Variants in NRDC observed in about 807,000 individuals in gnomAD.
NRDC encodes nardilysin.
A neutral mutation model predicts 147.1 loss-of-function variants in NRDC; 54 were observed. The observed-to-expected ratio is 0.37, with a 90% CI of 0.29 to 0.46. The LOEUF (loss-of-function observed/expected upper bound fraction) is 0.46, where lower values mean the gene tolerates loss of function less well. Ranked by LOEUF, NRDC falls within the 20% of genes least tolerant of loss-of-function variation. The pLI is 1.00. For missense variants in NRDC, 1,082 were observed against 1,370.6 expected (o/e 0.79, Z 3.33); for synonymous variants, 440 against 482.1 (o/e 0.91, Z 1.14).
rs1347653745 is a variant in NRDC, at chr1:51,800,637, G to A, written c.2360C>T (p.Thr787Ile). Residue 787 changes from threonine (T) to isoleucine (I), a missense_variant, in exon 21 of 31, where the codon ACA (threonine) becomes ATA (isoleucine). Thr to Ile is a moderately conservative substitution (Grantham distance 89, BLOSUM62 -1). This residue lies in a region of NRDC where 635 missense variants were observed against 923.8 expected (regional missense o/e 0.69). Coordinates refer to ENST00000352171, the MANE Select transcript of NRDC (RefSeq NM_001101662.2). ...IIDYLAEFNS[T>I]PAVFTMITEQ... ...AGTTATCATTGTAAAGACAGCTGGT[G>A]TGGAATTGAACTCAGCTAAGTAGTC... The A allele has an allele frequency of 1.2e-6, 2 of 1,613,494 alleles. No individual in the cohort carries two copies. Among genetic ancestry groups the A allele is most frequent in the African/African-American group, 1.3e-5 (1 of 74,920 alleles).
intron 1 of NRDC, among the ~76,000 whole-genome samples, chr1:51,876,372 G>C (rs1683327535): frequency 6.6e-6 from 1 of 152,044 alleles, no homozygotes; most frequent in Non-Finnish European, 1.5e-5. Flanking sequence ...GGTATCTTGG[G>C]GATGGGATGC....
intron 9 of NRDC, among the ~76,000 whole-genome samples, chr1:51,819,075 G>T (rs1310591334): frequency 6.6e-6 from 1 of 152,216 alleles, no homozygotes; most frequent in African/African-American, 2.4e-5. Flanking sequence ...GCGAAGGCAG[G>T]CGGATCACTT....
At chr1:51,872,728 A>G (rs1308813432) in intron 1 of NRDC, among the ~76,000 whole-genome samples, 1 of 152,156 alleles carries the variant, frequency 6.6e-6, no homozygotes, top group Non-Finnish European at 1.5e-5. Context: ...AAAATAAGGA[A>G]ATCAGTCTAA....
intron 11 of NRDC, among the ~76,000 whole-genome samples, chr1:51,815,072 C>G (rs1679896383): frequency 6.6e-6 from 1 of 151,904 alleles, no homozygotes; most frequent in African/African-American, 2.4e-5. Flanking sequence ...AGATATGGCA[C>G]CATAATAAAA....
At chr1:51,860,565 C>T (rs1017989942) in intron 1 of NRDC, among the ~76,000 whole-genome samples, 2 of 152,142 alleles carry the variant, frequency 1.3e-5, no homozygotes, top group East Asian at 1.9e-4. Flanking sequence ...CCTTGGTCAC[C>T]GGGAGAGTTT....
At chr1:51,800,265 G>A (rs1276273687) in intron 21 of NRDC, among the ~76,000 whole-genome samples, 1 of 152,152 alleles carries the variant, frequency 6.6e-6, no homozygotes, top group Non-Finnish European at 1.5e-5. Flanking sequence ...AAGCTACCAT[G>A]CCCGGCCTAA....
intron 1 of NRDC, among the ~76,000 whole-genome samples, chr1:51,876,957 G>A (rs182035293): frequency 6.6e-6 from 1 of 151,946 alleles, no homozygotes; most frequent in Non-Finnish European, 1.5e-5. Context: ...TGGGAGAAGA[G>A]GCGGGCGGAT....
In NRDC at chr1:51,816,389, C is replaced by T. The variant is rs935896848; in HGVS notation, c.1362G>A (p.Arg454=). Residue 454 remains arginine (R), a splice_region_variant and synonymous_variant, in exon 11 of 31, where the codon AGG becomes AGA. Transcript: ENST00000352171. The stretch of plus-strand genomic sequence containing the variant: ...AGGATATATAATGAAGTGGCTTCAC[C>T]CTTTTAAAAAAATTTAATGGTCAGA... ...WALPPQQQHY[R]VKPLHYISWL... The T allele has an allele frequency of 1.3e-6, 2 of 1,564,032 alleles. No homozygotes were observed. Among genetic ancestry groups the T allele is most frequent in the East Asian group, 2.3e-5 (1 of 43,290 alleles).
chr1:51,796,344 T>G (rs1473264148), intron 22 of NRDC, among the ~76,000 whole-genome samples: 1 of 151,680 alleles, frequency 6.6e-6, no homozygotes, highest in Non-Finnish European at 1.5e-5. Context: ...GCTCAAGTGA[T>G]TCTTCTGCCT....
At chr1:51,824,449 T>C (rs1264260422) in intron 6 of NRDC, among the ~76,000 whole-genome samples, 2 of 152,052 alleles carry the variant, frequency 1.3e-5, no homozygotes, top group African/African-American at 2.4e-5. Flanking sequence ...ATAAAACACA[T>C]GAAGCAAGAA....
chr1:51,809,376 C>T lies in NRDC; in HGVS notation c.1929G>A (p.Leu643=), dbSNP rs1679609536. The T allele has an allele frequency of 3.7e-6, 6 of 1,613,344 alleles. No individual in the cohort carries two copies. The highest frequency in any genetic ancestry group is 5.1e-6 in the Non-Finnish European group (6 of 1,179,450). ...IEDIENSWAE[L]WNSNFELNPD... Reference sequence around the variant, plus strand: ...GATTTAATTCGAAATTACTATTCCACAGTTCAGCCCAAGAGTTTTCAATAT... The same window carrying T: ...GATTTAATTCGAAATTACTATTCCATAGTTCAGCCCAAGAGTTTTCAATAT... Residue 643 remains leucine, a synonymous_variant, in exon 17 of 31, where the codon CTG becomes CTA. Coordinates refer to ENST00000352171, the MANE Select transcript of NRDC (RefSeq NM_001101662.2).
At chr1:51,829,666 T>G (rs1284398517) in intron 4 of NRDC, among the ~76,000 whole-genome samples, 1 of 152,186 alleles carries the variant, frequency 6.6e-6, no homozygotes, top group African/African-American at 2.4e-5. Context: ...GTAAAATACA[T>G]GGGATGTTTT....
intron 14 of NRDC, among the ~76,000 whole-genome samples, chr1:51,813,703 C>T (rs911174074): frequency 1.3e-5 from 2 of 152,190 alleles, no homozygotes; most frequent in African/African-American, 4.8e-5. Context: ...AGAATGTCTT[C>T]ACAATATTTG....
chr1:51,834,951 C>G (rs534533841), intron 3 of NRDC, among the ~76,000 whole-genome samples: 55 of 151,610 alleles, frequency 3.6e-4, no homozygotes, highest in African/African-American at 1.3e-3. Context: ...AGAAGTATAC[C>G]CTCAAATACT....
intron 2 of NRDC, among the ~76,000 whole-genome samples, chr1:51,837,842 A>G (rs1418249080): frequency 2.0e-5 from 3 of 152,264 alleles, no homozygotes; most frequent in African/African-American, 7.2e-5. Flanking sequence ...TCAGAAAAGT[A>G]GTTAACTTCT....
At chr1:51,791,758 C>A in intron 26 of NRDC, 97 bp from the exon 27 acceptor site, 2 of 982,498 alleles carry the variant, frequency 2.0e-6, no homozygotes, top group South Asian at 1.4e-5. Context: ...TCTGCCCATC[C>A]TTATTGGAAC....
intron 1 of NRDC, among the ~76,000 whole-genome samples, chr1:51,858,679 G>A (rs924758552): frequency 6.6e-6 from 1 of 152,146 alleles, no homozygotes; most frequent in Non-Finnish European, 1.5e-5. Context: ...CAAGCACAGA[G>A]TACTGTTTTC....
intron 8 of NRDC, among the ~76,000 whole-genome samples, 174 bp from the exon 9 acceptor site, chr1:51,820,047 A>G (rs1392016870): frequency 6.6e-6 from 1 of 152,210 alleles, no homozygotes; most frequent in Admixed American, 6.5e-5. Context: ...TCAGTTACAC[A>G]ATCTGTTCTT....
chr1:51,806,466 T>A (rs1426612643), intron 18 of NRDC, among the ~76,000 whole-genome samples: 2 of 152,132 alleles, frequency 1.3e-5, no homozygotes, highest in African/African-American at 4.8e-5. Flanking sequence ...GGAGTGTCCA[T>A]AAGGATTTCT....
Sources: allele counts gnomAD v4.1 joint callset (sites outside exome capture counted in the v4.1 genomes callset), GRCh38; gene constraint gnomAD v4.1.1; regional missense constraint gnomAD v4.1.1; transcripts MANE v1.5; gene names NCBI Gene and HGNC (gene_info 2026-07-23, HGNC 2026-07-21).